Variants in PDCL3 observed in about 807,000 individuals in gnomAD.
PDCL3 encodes the protein phosducin like 3, also known as phosducin-like protein 3.
Under a neutral mutation model 26.5 loss-of-function variants are expected in PDCL3, and 22 were observed. That is an observed-to-expected ratio of 0.83 (90% CI 0.59 to 1.19). The LOEUF is 1.19. Among genes scored for constraint, PDCL3 ranks in the 50% most tolerant of loss-of-function variants. The pLI is 0.00. For synonymous variants in PDCL3, 81 were observed against 104.9 expected, an observed-to-expected ratio of 0.77 and a Z score of 1.39; for missense variants, 246 against 294.1, an observed-to-expected ratio of 0.84 and a Z score of 1.20.
intron 5 of PDCL3, among the ~76,000 whole-genome samples, chr2:100,574,329 G>C (rs1675238080): frequency 6.6e-6 from 1 of 151,138 alleles, no homozygotes; most frequent in Admixed American, 6.7e-5. Flanking sequence ...TCTTGAGTCA[G>C]GAATCTGAAG....
intron 4 of PDCL3, 52 bp from the exon 5 acceptor site, chr2:100,571,538 C>G: frequency 6.5e-7 from 1 of 1,539,174 alleles, no homozygotes; most frequent in Non-Finnish European, 8.9e-7. Flanking sequence ...GAGCTTTGTT[C>G]TGTATAAATG....
intron 1 of PDCL3, 64 bp downstream of exon 1, chr2:100,563,137 G>A (rs1383754268): frequency 3.2e-6 from 5 of 1,548,992 alleles, no homozygotes; most frequent in Non-Finnish European, 4.4e-6. Context: ...TTAGGCCCGG[G>A]CGGGCAGTGG....
chr2:100,565,722 T>C (rs985547345), intron 1 of PDCL3, among the ~76,000 whole-genome samples: 62 of 152,302 alleles, frequency 4.1e-4, no homozygotes, highest in African/African-American at 1.3e-3. Context: ...CTGTTTGTCA[T>C]TGCACTTGCC....
chr2:100,571,862 T>A, intron 5 of PDCL3, 64 bp downstream of exon 5: 1 of 1,518,366 alleles, frequency 6.6e-7, no homozygotes, highest in Non-Finnish European at 9.1e-7. Context: ...TTGGAGAGAG[T>A]GTCTATTTCC....
At chr2:100,576,108 T>G (rs1447294432) in intron 5 of PDCL3, among the ~76,000 whole-genome samples, 1 of 151,976 alleles carries the variant, frequency 6.6e-6, no homozygotes, top group East Asian at 1.9e-4. Context: ...TGAGACAGTC[T>G]CACTGCTGCC....
intron 1 of PDCL3, among the ~76,000 whole-genome samples, chr2:100,565,483 C>T (rs1049832015): frequency 9.3e-5 from 14 of 151,350 alleles, no homozygotes; most frequent in African/African-American, 2.7e-4. Flanking sequence ...ATCATGTTAG[C>T]CAGGATGCTC....
At chr2:100,572,996 T>A (rs1358851453) in intron 5 of PDCL3, among the ~76,000 whole-genome samples, 1 of 152,030 alleles carries the variant, frequency 6.6e-6, no homozygotes, top group Non-Finnish European at 1.5e-5. Flanking sequence ...GCAATTCTCC[T>A]GCCTCAGCGT....
intron 1 of PDCL3, among the ~76,000 whole-genome samples, chr2:100,564,785 T>C (rs2104390184): frequency 6.6e-6 from 1 of 152,344 alleles, no homozygotes; most frequent in East Asian, 1.9e-4. Flanking sequence ...AGAGCCACTT[T>C]TACATCAGTC....
intron 4 of PDCL3, among the ~76,000 whole-genome samples, chr2:100,570,722 C>T (rs948867490): frequency 6.6e-6 from 1 of 152,066 alleles, no homozygotes; most frequent in Admixed American, 6.6e-5. Flanking sequence ...ATGATCCACT[C>T]ATCTTGGCCT....
intron 1 of PDCL3, 84 bp downstream of exon 1, chr2:100,563,157 CT>C: frequency 6.7e-7 from 1 of 1,495,334 alleles, no homozygotes; most frequent in Non-Finnish European, 9.0e-7. Context: ...GACGCCCGCC[CT>C]GGGGGAAGCT....
chr2:100,574,502 A>G (rs1675240828), intron 5 of PDCL3, among the ~76,000 whole-genome samples: 1 of 152,128 alleles, frequency 6.6e-6, no homozygotes, highest in Non-Finnish European at 1.5e-5. Context: ...AATATATTTA[A>G]GATATACAAC....
chr2:100,570,548 G>A (rs566630466), intron 4 of PDCL3, among the ~76,000 whole-genome samples: 114 of 147,642 alleles, frequency 7.7e-4, no homozygotes, highest in Non-Finnish European at 1.6e-4. Flanking sequence ...GCATGATCTC[G>A]GCTCACTGCA....
intron 5 of PDCL3, among the ~76,000 whole-genome samples, chr2:100,574,344 G>GTTT (rs141605070): frequency 7.4e-6 from 1 of 134,626 alleles, no homozygotes; most frequent in East Asian, 2.2e-4. Flanking sequence ...CTGAAGTCTT[G>GTTT]TTTTTTTTTT....
chr2:100,565,275 A>ATT (rs34583403), intron 1 of PDCL3, among the ~76,000 whole-genome samples: 2 of 133,218 alleles, frequency 1.5e-5, no homozygotes, highest in Non-Finnish European at 3.1e-5. Flanking sequence ...AGCCTGGAAG[A>ATT]TTTTTTTTTT....
At position 100,566,568 on chromosome 2, in the gene PDCL3, A is replaced by G; in HGVS notation, c.72A>G (p.Glu24=). Residue 24 remains glutamate, a synonymous_variant, in exon 2 of 6, where the codon GAA becomes GAG. Transcript: ENST00000264254. The part of the protein sequence containing the change: ...LRKKGILPPK[E]SLKELEEEAE... ...AAAAGGGTATCTTACCCCCCAAGGAAAGTCTGAAAGAATTGGAAGAGGAGG... is the reference window on the plus strand; with the variant it reads ...AAAAGGGTATCTTACCCCCCAAGGAGAGTCTGAAAGAATTGGAAGAGGAGG... 1 of 1,613,920 alleles carries G rather than the reference A, an allele frequency of 6.2e-7. No individual in the cohort carries two copies.
chr2:100,567,891 T>C (rs1675088480), intron 2 of PDCL3, among the ~76,000 whole-genome samples: 1 of 151,958 alleles, frequency 6.6e-6, no homozygotes, highest in Admixed American at 6.6e-5. Flanking sequence ...GGCGCAATCT[T>C]GGCTCACTGC....
chr2:100,570,354 T>TA (rs1278728110), intron 4 of PDCL3, among the ~76,000 whole-genome samples: 2 of 152,164 alleles, frequency 1.3e-5, no homozygotes, highest in Non-Finnish European at 2.9e-5. Flanking sequence ...ATCTCATAGA[T>TA]GGCAAGGTTG....
intron 1 of PDCL3, among the ~76,000 whole-genome samples, chr2:100,564,842 A>G (rs1199250581): frequency 6.6e-6 from 1 of 152,188 alleles, no homozygotes; most frequent in Admixed American, 6.5e-5. Context: ...TGATTTGGCC[A>G]GCCGTTCTAG....
intron 1 of PDCL3, among the ~76,000 whole-genome samples, chr2:100,563,985 C>A (rs970291118): frequency 1.3e-5 from 2 of 150,024 alleles, no homozygotes; most frequent in Non-Finnish European, 3.0e-5. Context: ...TGTCACAGCT[C>A]ACTGCAACCT....
Sources: allele counts gnomAD v4.1 joint callset (sites outside exome capture counted in the v4.1 genomes callset), GRCh38; gene constraint gnomAD v4.1.1; transcripts MANE v1.5; gene names NCBI Gene and HGNC (gene_info 2026-07-23, HGNC 2026-07-21).